CMIP: variants seen among roughly 807,000 people sequenced by gnomAD.
CMIP encodes C-Maf-inducing protein.
CMIP carries 13 observed loss-of-function variants against 97.3 expected under a neutral mutation model. The observed-to-expected ratio is 0.13, with a 90% CI of 0.09 to 0.21. The LOEUF (loss-of-function observed/expected upper bound fraction) is 0.21, where lower values mean the gene tolerates loss of function less well. Among genes scored for constraint, CMIP ranks in the 10% least tolerant of loss-of-function variants. The probability of loss-of-function intolerance (pLI) is 1.00; values close to 1 mark genes in which losing one functional copy is unlikely to be tolerated. For synonymous variants in CMIP, 538 were observed against 436.3 expected (o/e 1.23, Z -2.91); for missense variants, 847 against 1,024.9 (o/e 0.83, Z 2.37).
chr16:81,534,600 T>C (rs1049970620), intron 1 of CMIP, among the ~76,000 whole-genome samples: 2 of 151,952 alleles, frequency 1.3e-5, no homozygotes, highest in Admixed American at 6.6e-5. Context: ...CTTCGTGGCT[T>C]AGAGAGTTCT....
intron 1 of CMIP, among the ~76,000 whole-genome samples, chr16:81,573,305 C>T (rs958100174): frequency 3.3e-5 from 5 of 151,232 alleles, no homozygotes; most frequent in Admixed American, 6.6e-5. Context: ...GATCGCGTCA[C>T]TGCACTCCAG....
intron 7 of CMIP, among the ~76,000 whole-genome samples, chr16:81,667,730 A>G (rs1337301108): frequency 1.6e-5 from 2 of 127,796 alleles, no homozygotes; most frequent in Admixed American, 8.6e-5. Context: ...CAGAGGCCTC[A>G]TTTTCTAACC....
At chr16:81,638,172 T>A (rs1377252084) in intron 3 of CMIP, among the ~76,000 whole-genome samples, 2 of 152,236 alleles carry the variant, frequency 1.3e-5, no homozygotes, top group Admixed American at 6.5e-5. Context: ...CTCCTTTGTA[T>A]ACTTCCTGGG....
At chr16:81,668,890 T>TACCCACCTCACACCTTCCAC (rs2092642370) in intron 7 of CMIP, among the ~76,000 whole-genome samples, 4 of 48,250 alleles carry the variant, frequency 8.3e-5, no homozygotes, top group Non-Finnish European at 1.3e-4. Flanking sequence ...TTGCCTTCCG[T>TACCCACCTCACACCTTCCAC]ACCCACCTCA....
chr16:81,613,414 C>T (rs2091863281), intron 2 of CMIP, among the ~76,000 whole-genome samples: 1 of 152,116 alleles, frequency 6.6e-6, no homozygotes, highest in Admixed American at 6.5e-5. Flanking sequence ...CCCAACTTCC[C>T]TGGGCACTAG....
intron 1 of CMIP, among the ~76,000 whole-genome samples, chr16:81,545,062 C>T (rs1386489276): frequency 1.3e-5 from 2 of 152,116 alleles, no homozygotes; most frequent in East Asian, 1.9e-4. Context: ...CAAAAGAGCC[C>T]ATGATCTTGT....
chr16:81,709,801 G>T lies in CMIP; in HGVS notation c.*2G>T, dbSNP rs1487223044. 6.2e-7 allele frequency: 1 copy of T among 1,613,878 alleles called. No individual in the cohort carries two copies. Among genetic ancestry groups the T allele is most frequent in the East Asian group, 2.2e-5 (1 of 44,886 alleles). ...GTCCGCTACACCGAAGCCTGGTGAAGCTCCCAGCTCAAGGCAGGAAGACGT... is the reference window on the plus strand; with the variant it reads ...GTCCGCTACACCGAAGCCTGGTGAATCTCCCAGCTCAAGGCAGGAAGACGT... On this transcript the variant is annotated 3_prime_UTR_variant, in exon 21 of 21. Coordinates refer to ENST00000537098, the MANE Select transcript of CMIP (RefSeq NM_198390.3).
intron 2 of CMIP, chr16:81,618,816 A>G (rs1791709376): frequency 6.6e-6 from 1 of 152,190 alleles, no homozygotes. Context: ...CTGTTTGTGG[A>G]GTGTTTGCAC....
intron 1 of CMIP, among the ~76,000 whole-genome samples, chr16:81,512,141 T>C (rs1328734070): frequency 6.6e-6 from 1 of 152,258 alleles, no homozygotes; most frequent in Non-Finnish European, 1.5e-5. Flanking sequence ...TACTAGAATA[T>C]TTAGTTTTAA....
In CMIP at chr16:81,711,709, AC is replaced by A. The variant is rs1908798548; in HGVS notation, c.*1911del. On this transcript the variant is annotated 3_prime_UTR_variant, in exon 21 of 21. Coordinates refer to ENST00000537098, the MANE Select transcript of CMIP (RefSeq NM_198390.3). ...TAATACTACTGTCACGTAGCTGTGT[AC>A]AAAGAGATGTGAAATACTTTCAGGC... The A allele has an allele frequency of 1.3e-5, 2 of 152,276 alleles. No individual in the cohort carries two copies. Among genetic ancestry groups the A allele is most frequent in the African/African-American group, 4.8e-5 (2 of 41,306 alleles). 9.4% of individuals were successfully genotyped at this position (152,276 alleles called of 1,614,324 possible). A position where few individuals can be genotyped will look rare whatever the true frequency, so the allele number is the denominator to read the frequency against.
At chr16:81,612,976 G>A (rs1260001463) in intron 2 of CMIP, among the ~76,000 whole-genome samples, 5 of 152,200 alleles carry the variant, frequency 3.3e-5, no homozygotes, top group African/African-American at 7.2e-5. Context: ...GCACAGAAGC[G>A]TGACCCTTCC....
intron 1 of CMIP, among the ~76,000 whole-genome samples, chr16:81,551,972 A>C (rs939212579): frequency 6.6e-6 from 1 of 152,180 alleles, no homozygotes; most frequent in South Asian, 2.1e-4. Flanking sequence ...GGCAGTGTGC[A>C]GGGGGGCCCT....
At chr16:81,510,136 T>C (rs899451796) in intron 1 of CMIP, among the ~76,000 whole-genome samples, 6 of 152,194 alleles carry the variant, frequency 3.9e-5, no homozygotes, top group Admixed American at 3.3e-4. Context: ...TATCAAGGTA[T>C]TGACGACAGT....
At chr16:81,484,082 G>A (rs2089275283) in intron 1 of CMIP, among the ~76,000 whole-genome samples, 1 of 152,100 alleles carries the variant, frequency 6.6e-6, no homozygotes, top group South Asian at 2.1e-4. Context: ...TTCATTGGCG[G>A]ACAAACCAGA....
intron 1 of CMIP, among the ~76,000 whole-genome samples, chr16:81,606,499 C>T (rs763168166): frequency 3.3e-5 from 5 of 152,172 alleles, no homozygotes; most frequent in Non-Finnish European, 4.4e-5. Context: ...GGTGCCTTCT[C>T]GGGACAGCAA....
intron 1 of CMIP, among the ~76,000 whole-genome samples, chr16:81,489,302 G>C (rs931674943): frequency 3.9e-5 from 6 of 152,232 alleles, no homozygotes; most frequent in African/African-American, 1.4e-4. Context: ...GGAGGAGCTG[G>C]AGTTGGTGGG....
At chr16:81,590,974 G>T (rs2091458685) in intron 1 of CMIP, among the ~76,000 whole-genome samples, 1 of 152,164 alleles carries the variant, frequency 6.6e-6, no homozygotes, top group Non-Finnish European at 1.5e-5. Context: ...TTTGTGTATT[G>T]TCTGTGGCTG....
chr16:81,558,365 G>A (rs1474009081), intron 1 of CMIP, among the ~76,000 whole-genome samples: 1 of 152,236 alleles, frequency 6.6e-6, no homozygotes, highest in East Asian at 1.9e-4. Flanking sequence ...CACAGACCAA[G>A]CTTCCCATTC....
intron 1 of CMIP, among the ~76,000 whole-genome samples, chr16:81,564,569 G>A (rs1428233685): frequency 6.6e-6 from 1 of 152,212 alleles, no homozygotes. Flanking sequence ...CCAGCAGCCG[G>A]GAGCCAGGAG....
Sources: allele counts gnomAD v4.1 joint callset (sites outside exome capture counted in the v4.1 genomes callset), GRCh38; gene constraint gnomAD v4.1.1; transcripts MANE v1.5; gene names NCBI Gene and HGNC (gene_info 2026-07-23, HGNC 2026-07-21).